Variants in TRAPPC8 observed in about 807,000 individuals in gnomAD.
The protein encoded by TRAPPC8 is general sporulation gene 1 homolog.
In TRAPPC8, 54 loss-of-function variants were observed where a neutral mutation model predicts 174.3. The observed-to-expected ratio is 0.31, with a 90% CI of 0.25 to 0.39. TRAPPC8 has a LOEUF of 0.39. Ranked by LOEUF, TRAPPC8 falls within the 10% of genes least tolerant of loss-of-function variation. TRAPPC8 has a pLI of 1.00. For synonymous variants in TRAPPC8, 630 were observed against 579.9 expected, an observed-to-expected ratio of 1.09 and a Z score of -1.24; for missense variants, 1,531 against 1,699.1, an observed-to-expected ratio of 0.90 and a Z score of 1.74.
intron 12 of TRAPPC8, among the ~76,000 whole-genome samples, chr18:31,878,359 A>G (rs1175320573): frequency 9.2e-5 from 14 of 152,218 alleles, no homozygotes. Flanking sequence ...ACAAATAAAA[A>G]CAAAAACAAA....
chr18:31,835,347 G>A (rs2032649610), intron 27 of TRAPPC8, among the ~76,000 whole-genome samples: 1 of 152,118 alleles, frequency 6.6e-6, no homozygotes, highest in African/African-American at 2.4e-5. Flanking sequence ...AATTTTAAAA[G>A]TGTCAGGGAA....
intron 12 of TRAPPC8, among the ~76,000 whole-genome samples, chr18:31,887,608 T>G (rs1383033614): frequency 6.8e-6 from 1 of 147,674 alleles, no homozygotes; most frequent in Non-Finnish European, 1.5e-5. Context: ...ATCACGCCAT[T>G]GCACTCCAGC....
chr18:31,868,785 C>T (rs2034705974), intron 16 of TRAPPC8, among the ~76,000 whole-genome samples: 1 of 151,994 alleles, frequency 6.6e-6, no homozygotes, highest in African/African-American at 2.4e-5. Flanking sequence ...TCACTGCAGC[C>T]TCAGGTTCCA....
intron 11 of TRAPPC8, among the ~76,000 whole-genome samples, chr18:31,893,045 C>T: frequency 6.8e-6 from 1 of 147,852 alleles, no homozygotes; most frequent in Non-Finnish European, 1.5e-5. Context: ...AAAAAAACAA[C>T]ATCTTGTTCC....
rs554560626 is a variant in TRAPPC8, at chr18:31,850,001, G to T, written c.3562-262C>A. On this transcript the variant is annotated intron_variant, in intron 24 of 28. Coordinates refer to ENST00000283351, the MANE Select transcript of TRAPPC8 (RefSeq NM_014939.5). ...AGGGTCTTACTCTGTCATCCAGGCT[G>T]GAGTGCAGTGGTGCAATCTCAGCTC... 4.6e-5 allele frequency among the ~76,000 whole-genome samples: 7 copies of T among 151,436 alleles called. No individual in the cohort carries two copies. In the South Asian group the frequency reaches 1.5e-3, roughly 32 times the overall value.
chr18:31,915,624 T>A (rs1199416547), intron 4 of TRAPPC8, among the ~76,000 whole-genome samples: 1 of 150,416 alleles, frequency 6.6e-6, no homozygotes, highest in Non-Finnish European at 1.5e-5. Flanking sequence ...AAGCCGGGCG[T>A]GGTGGCTCAC....
In TRAPPC8 at chr18:31,876,047, G is replaced by A. The variant is rs140778519; in HGVS notation, c.1729-1343C>T. Among the ~76,000 whole-genome samples the A allele has an allele frequency of 2.2e-3, 341 of 152,264 alleles. 2 individuals are homozygous for A. The highest frequency in any genetic ancestry group is 7.8e-3 in the African/African-American group (325 of 41,552). On this transcript the variant is annotated intron_variant, in intron 12 of 28. Coordinates refer to ENST00000283351, the MANE Select transcript of TRAPPC8 (RefSeq NM_014939.5). ...CATCTACTCTACATTTCAAAATAGA[G>A]AATTTGAATGGTTCTAAGGTGATGG... is the stretch of plus-strand genomic sequence containing the variant.
chr18:31,932,851 G>A (rs553553478), intron 1 of TRAPPC8, among the ~76,000 whole-genome samples: 117 of 151,914 alleles, frequency 7.7e-4, no homozygotes, highest in African/African-American at 2.7e-3. Flanking sequence ...GCATGGTGGC[G>A]GGCGCCTGTA....
At chr18:31,840,487 C>G (rs1488195993) in intron 26 of TRAPPC8, among the ~76,000 whole-genome samples, 1 of 151,260 alleles carries the variant, frequency 6.6e-6, no homozygotes, top group African/African-American at 2.4e-5. Context: ...ATTTTTTTTT[C>G]TCTATTTTCC....
chr18:31,939,617 C>CT (rs1258861989), intron 1 of TRAPPC8: 3 of 152,356 alleles, frequency 2.0e-5, no homozygotes, highest in African/African-American at 7.2e-5. Flanking sequence ...ACGTCCAACT[C>CT]ATTATACTCC....
At chr18:31,873,603 C>T (rs900620489) in intron 13 of TRAPPC8, 65 bp from the exon 14 acceptor site, 22 of 1,144,386 alleles carry the variant, frequency 1.9e-5, no homozygotes, top group Non-Finnish European at 2.7e-5. Context: ...TTTGTTTCCT[C>T]GTTTCTTAAT....
intron 22 of TRAPPC8, 41 bp from the exon 23 acceptor site, chr18:31,852,704 C>CT: frequency 6.6e-7 from 1 of 1,524,772 alleles, no homozygotes; most frequent in Non-Finnish European, 9.0e-7. Flanking sequence ...TTTCTCAGTT[C>CT]ATCACATGAT....
chr18:31,879,779 G>C (rs1206386268), intron 12 of TRAPPC8, among the ~76,000 whole-genome samples: 3 of 151,550 alleles, frequency 2.0e-5, no homozygotes, highest in African/African-American at 7.3e-5. Flanking sequence ...ATATGACAAA[G>C]GTGACATCAC....
At chr18:31,936,847 A>C (rs1203856389) in intron 1 of TRAPPC8, among the ~76,000 whole-genome samples, 1 of 140,022 alleles carries the variant, frequency 7.1e-6, no homozygotes, top group Non-Finnish European at 1.5e-5. Flanking sequence ...GGTTGCAGTG[A>C]GCTAAGATTG....
chr18:31,853,167 G>C (rs2033802940), intron 22 of TRAPPC8, among the ~76,000 whole-genome samples: 1 of 152,206 alleles, frequency 6.6e-6, no homozygotes, highest in African/African-American at 2.4e-5. Flanking sequence ...AAGCCAGTCA[G>C]TACGTAGGTA....
intron 11 of TRAPPC8, among the ~76,000 whole-genome samples, chr18:31,893,189 T>C (rs2036034564): frequency 6.6e-6 from 1 of 152,178 alleles, no homozygotes; most frequent in Non-Finnish European, 1.5e-5. Flanking sequence ...AGAGCCCTTG[T>C]ATGCTCTTAA....
intron 5 of TRAPPC8, among the ~76,000 whole-genome samples, chr18:31,910,213 T>A (rs193085759): frequency 6.6e-6 from 1 of 152,172 alleles, no homozygotes; most frequent in Admixed American, 6.5e-5. Flanking sequence ...CTGAATATAC[T>A]GAAGTGTTTT....
intron 1 of TRAPPC8, among the ~76,000 whole-genome samples, chr18:31,935,662 G>A (rs1408344543): frequency 1.3e-5 from 2 of 151,058 alleles, no homozygotes; most frequent in African/African-American, 4.9e-5. Flanking sequence ...CAGCATTTTA[G>A]GAGGCTAAAG....
intron 26 of TRAPPC8, 25 bp downstream of exon 26, chr18:31,846,691 G>A: frequency 6.5e-7 from 1 of 1,533,602 alleles, no homozygotes. Context: ...TCACCAGAAA[G>A]CTCCAAAGCA....
Sources: allele counts gnomAD v4.1 joint callset (sites outside exome capture counted in the v4.1 genomes callset), GRCh38; gene constraint gnomAD v4.1.1; transcripts MANE v1.5; gene names NCBI Gene and HGNC (gene_info 2026-07-23, HGNC 2026-07-21).